PTPRG: variants seen among roughly 807,000 people sequenced by gnomAD.
The protein encoded by PTPRG is protein tyrosine phosphatase receptor type G.
A neutral mutation model predicts 165.3 loss-of-function variants in PTPRG; 102 were observed. That is an observed-to-expected ratio of 0.62 (90% CI 0.53 to 0.73). The LOEUF (loss-of-function observed/expected upper bound fraction) is 0.73, where lower values mean the gene tolerates loss of function less well. Ranked by LOEUF, PTPRG falls within the 30% of genes least tolerant of loss-of-function variation. The pLI is 0.00. For synonymous variants in PTPRG, 675 were observed against 669.5 expected (o/e 1.01, Z -0.13); for missense variants, 1,866 against 1,861.4 (o/e 1.00, Z -0.05).
At chr3:61,676,135 A>C (rs1358902086) in intron 1 of PTPRG, among the ~76,000 whole-genome samples, 5 of 152,166 alleles carry the variant, frequency 3.3e-5, no homozygotes, top group Admixed American at 1.3e-4. Flanking sequence ...AGTTAACAAA[A>C]CAATCATGAA....
intron 1 of PTPRG, among the ~76,000 whole-genome samples, chr3:61,703,190 G>C (rs551863265): frequency 6.6e-6 from 1 of 151,736 alleles, no homozygotes; most frequent in Non-Finnish European, 1.5e-5. Context: ...CAGTGGACTG[G>C]CACTTTAAGA....
At chr3:61,643,401 T>G (rs1422124114) in intron 1 of PTPRG, among the ~76,000 whole-genome samples, 1 of 152,230 alleles carries the variant, frequency 6.6e-6, no homozygotes, top group Non-Finnish European at 1.5e-5. Flanking sequence ...TTTGGAGATT[T>G]GAACCCTGAT....
chr3:61,763,356 G>A (rs1053900326), intron 2 of PTPRG, among the ~76,000 whole-genome samples: 2 of 151,930 alleles, frequency 1.3e-5, no homozygotes, highest in African/African-American at 4.8e-5. Flanking sequence ...TCCTGCCTCA[G>A]CCTCCCAAGT....
chr3:62,148,625 C>T lies in PTPRG; in HGVS notation c.683-8442C>T, dbSNP rs189487808. ...CTAAAAATACAAAAAATTAGTTGGG[C>T]GTGGTGGCGTGCCTGTAGTCCCAGC... On this transcript the variant is annotated intron_variant, in intron 6 of 29. Coordinates refer to ENST00000474889, the MANE Select transcript of PTPRG (RefSeq NM_002841.4). 5.3e-5 allele frequency among the ~76,000 whole-genome samples: 8 copies of T among 151,898 alleles called. No homozygotes were observed. In the East Asian group the frequency reaches 1.4e-3, roughly 26 times the overall value.
chr3:61,810,011 G>T (rs530161477), intron 2 of PTPRG, among the ~76,000 whole-genome samples: 4 of 152,304 alleles, frequency 2.6e-5, no homozygotes, highest in African/African-American at 9.6e-5. Flanking sequence ...TGCAATGGGG[G>T]GCTGGGAAAC....
intron 12 of PTPRG, among the ~76,000 whole-genome samples, chr3:62,215,440 T>C (rs1700472383): frequency 6.6e-6 from 1 of 151,756 alleles, no homozygotes; most frequent in South Asian, 2.1e-4. Context: ...CTTAGGTCTC[T>C]CACTGACACT....
intron 1 of PTPRG, among the ~76,000 whole-genome samples, chr3:61,735,325 A>T (rs1017508965): frequency 6.6e-6 from 1 of 152,176 alleles, no homozygotes; most frequent in Non-Finnish European, 1.5e-5. Context: ...ACTCCTCTTC[A>T]AGCAAAGCAA....
intron 1 of PTPRG, among the ~76,000 whole-genome samples, chr3:61,590,860 T>C (rs1305215869): frequency 6.6e-6 from 1 of 152,206 alleles, no homozygotes; most frequent in Non-Finnish European, 1.5e-5. Context: ...GGCTCATGCC[T>C]GTAATCCCAG....
chr3:62,154,126 A>T (rs1704447811), intron 6 of PTPRG, among the ~76,000 whole-genome samples: 1 of 152,178 alleles, frequency 6.6e-6, no homozygotes, highest in Non-Finnish European at 1.5e-5. Flanking sequence ...ACTCGGCTTC[A>T]GCCACCAGGG....
chr3:61,602,600 C>T (rs865817193), intron 1 of PTPRG, among the ~76,000 whole-genome samples: 1 of 152,200 alleles, frequency 6.6e-6, no homozygotes, highest in African/African-American at 2.4e-5. Context: ...TGCAGTAAAA[C>T]CTGCTTAATT....
chr3:61,625,836 G>T (rs1701592335), intron 1 of PTPRG, among the ~76,000 whole-genome samples: 1 of 152,156 alleles, frequency 6.6e-6, no homozygotes, highest in African/African-American at 2.4e-5. Context: ...ATTTAAAAAT[G>T]TTGAAGATTT....
chr3:62,157,857 C>T (rs1292138552), intron 7 of PTPRG, among the ~76,000 whole-genome samples: 1 of 152,206 alleles, frequency 6.6e-6, no homozygotes, highest in Non-Finnish European at 1.5e-5. Flanking sequence ...GTGCTATGTA[C>T]TTTACTCAGC....
intron 4 of PTPRG, among the ~76,000 whole-genome samples, chr3:62,016,937 T>C (rs1375171977): frequency 2.0e-5 from 3 of 152,220 alleles, no homozygotes; most frequent in Non-Finnish European, 4.4e-5. Flanking sequence ...TTCTTTTCTA[T>C]TACCCAGTTT....
chr3:62,133,625 A>G (rs1346610310), intron 6 of PTPRG, among the ~76,000 whole-genome samples: 1 of 152,214 alleles, frequency 6.6e-6, no homozygotes. Flanking sequence ...AGCAGGTAAC[A>G]ATAGTAAACC....
chr3:61,616,898 G>T (rs1245029998), intron 1 of PTPRG, among the ~76,000 whole-genome samples: 1 of 152,152 alleles, frequency 6.6e-6, no homozygotes, highest in Non-Finnish European at 1.5e-5. Flanking sequence ...AACAGAAAGG[G>T]TGTTGTTGGT....
intron 1 of PTPRG, among the ~76,000 whole-genome samples, chr3:61,732,436 G>A (rs1575616863): frequency 6.6e-6 from 1 of 152,194 alleles, no homozygotes; most frequent in East Asian, 1.9e-4. Flanking sequence ...AATTAGCTGG[G>A]CATGGTGGCG....
chr3:62,070,117 A>C, intron 4 of PTPRG, among the ~76,000 whole-genome samples: 1 of 152,324 alleles, frequency 6.6e-6, no homozygotes. Context: ...TTTTCTCCAT[A>C]ATTTAAATGA....
chr3:61,678,195 G>C (rs1191180917), intron 1 of PTPRG, among the ~76,000 whole-genome samples: 1 of 152,176 alleles, frequency 6.6e-6, no homozygotes, highest in East Asian at 1.9e-4. Flanking sequence ...TCCAAAGGAA[G>C]ATGGAAGATG....
Position 62,195,145 on chromosome 3 carries a change from C to A in PTPRG, c.1302C>A (p.Asp434Glu). The change falls in exon 10 of 30, where the codon GAC becomes GAA. Residue 434 changes from aspartate (D) to glutamate (E), a missense_variant. By Grantham distance (45) the Asp-to-Glu change is conservative. Around this residue, in one of 3 missense-constraint regions of PTPRG, gnomAD observed 1,452 missense variants for 1,463.0 expected, o/e 0.99. Transcript: ENST00000474889. The surrounding 1 kb of genome is among the most constrained non-coding windows in gnomAD (Gnocchi z 4.4). The stretch of plus-strand genomic sequence containing the variant: ...TGTGTCGGAACGACATGCGCAGCGA[C>A]TTTAGCCAGACGATGCTGTTTCAAG... ...QAVCRNDMRSDFSQTMLFQAN... is the reference protein window; with the variant it reads ...QAVCRNDMRSEFSQTMLFQAN... 2 of 1,614,222 alleles carry A rather than the reference C, an allele frequency of 1.2e-6. No homozygotes were observed. The highest frequency in any genetic ancestry group is 2.2e-5 in the South Asian group (2 of 91,078).
Sources: gnomAD v4.1 joint callset for allele counts (sites outside exome capture counted in the v4.1 genomes callset) on GRCh38, gnomAD v4.1.1 for gene constraint, gnomAD v4.1.1 regional missense constraint, Gnocchi (gnomAD v3.1) non-coding constraint, MANE v1.5 for transcripts, NCBI Gene and HGNC (gene_info 2026-07-23, HGNC 2026-07-21) for gene names.